Variants in DGLUCY observed in about 807,000 individuals in gnomAD.
DGLUCY encodes D-glutamate cyclase, also known as D-glutamate cyclase, mitochondrial.
DGLUCY carries 58 observed loss-of-function variants against 58.5 expected under a neutral mutation model. That is an observed-to-expected ratio of 0.99 (90% confidence interval 0.80 to 1.23). The LOEUF (loss-of-function observed/expected upper bound fraction) is 1.23, where lower values mean the gene tolerates loss of function less well. DGLUCY is among the 50% of genes most tolerant of loss of function. The probability of loss-of-function intolerance (pLI) is 0.00; values close to 1 mark genes in which losing one functional copy is unlikely to be tolerated. For missense variants in DGLUCY, 779 were observed against 784.7 expected, an observed-to-expected ratio of 0.99 and a Z score of 0.09; for synonymous variants, 325 against 314.1, an observed-to-expected ratio of 1.03 and a Z score of -0.37.
intron 1 of DGLUCY, among the ~76,000 whole-genome samples, chr14:91,157,071 A>G (rs1035723874): frequency 3.5e-5 from 5 of 144,014 alleles, no homozygotes; most frequent in African/African-American, 1.3e-4. Flanking sequence ...GGGTGGATGG[A>G]TGGATGGATG....
intron 1 of DGLUCY, among the ~76,000 whole-genome samples, chr14:91,087,672 C>T (rs149563367): frequency 3.9e-5 from 6 of 152,280 alleles, no homozygotes; most frequent in South Asian, 2.1e-4. Flanking sequence ...AAAAATTCTA[C>T]GTTGTTAGCC....
Position 91,215,457 on chromosome 14 carries a change from C to T in DGLUCY, c.1617C>T (p.Tyr539=), listed in dbSNP as rs767289887. 6.2e-7 allele frequency: 1 copy of T among 1,614,246 alleles called. No individual in the cohort carries two copies. Among genetic ancestry groups the T allele is most frequent in the Non-Finnish European group, 8.5e-7 (1 of 1,180,040 alleles). ...YALACALYIL[Y]SCAVHSQYLR... is the part of the protein sequence containing the mutation. The stretch of plus-strand genomic sequence containing the variant: ...TGGCCTGCGCACTCTACATCCTGTA[C>T]TCATGTGCTGTCCACAGTCAGTACC... Residue 539 remains tyrosine (Y), a synonymous_variant, in exon 13 of 14, where the codon TAC becomes TAT. Coordinates refer to ENST00000256324, the MANE Select transcript of DGLUCY (RefSeq NM_001102368.3).
At chr14:91,207,466 C>A (rs1390679979) in intron 12 of DGLUCY, among the ~76,000 whole-genome samples, 1 of 152,126 alleles carries the variant, frequency 6.6e-6, no homozygotes, top group East Asian at 1.9e-4. Flanking sequence ...GCATTTGAAG[C>A]AATAGCAAAT....
intron 1 of DGLUCY, among the ~76,000 whole-genome samples, chr14:91,156,006 A>T (rs1285624697): frequency 6.6e-6 from 1 of 152,092 alleles, no homozygotes; most frequent in Non-Finnish European, 1.5e-5. Flanking sequence ...GTCTATGTGG[A>T]TGTGAACAGA....
intron 9 of DGLUCY, among the ~76,000 whole-genome samples, chr14:91,196,152 C>T (rs879403334): frequency 1.1e-4 from 16 of 152,118 alleles, no homozygotes; most frequent in Admixed American, 9.2e-4. Context: ...TGTGTTAGCC[C>T]GATTCTGCCC....
At chr14:91,223,551 G>A in intron 13 of DGLUCY, 1 of 585,168 alleles carries the variant, frequency 1.7e-6, no homozygotes, top group Non-Finnish European at 2.6e-6. Flanking sequence ...CTGTCCTTAG[G>A]GGAACCTGAG....
Position 91,100,682 on chromosome 14 carries a change from C to T in DGLUCY, c.-82+39978C>T, listed in dbSNP as rs546662858. Among the ~76,000 whole-genome samples the T allele has an allele frequency of 7.2e-5, 11 of 152,326 alleles. 1 individual carries two copies. The South Asian group carries it at 1.0e-3, about 14-fold the overall frequency. ...TGGTCCCCAGACCAGCAGCACCAGC[C>T]TCCTGGGGAGCTGAGAAATGCTAAT... is the stretch of plus-strand genomic sequence containing the variant. On this transcript the variant is annotated intron_variant, in intron 1 of 4. Transcript: ENST00000521334.
chr14:91,096,744 G>A (rs958238857), intron 1 of DGLUCY, among the ~76,000 whole-genome samples: 5 of 152,090 alleles, frequency 3.3e-5, no homozygotes, highest in African/African-American at 1.2e-4. Context: ...TGTACATTCA[G>A]CCTGAGGCTG....
At chr14:91,105,870 A>G (rs1431032418), upstream of DGLUCY, among the ~76,000 whole-genome samples, 2 of 152,202 alleles carry the variant, frequency 1.3e-5, no homozygotes, top group African/African-American at 2.4e-5. Flanking sequence ...GCTATATGAT[A>G]TGGTCTATTA....
At chr14:91,118,988 A>T (rs763625855) in intron 1 of DGLUCY, among the ~76,000 whole-genome samples, 1 of 152,144 alleles carries the variant, frequency 6.6e-6, no homozygotes, top group Non-Finnish European at 1.5e-5. Flanking sequence ...TTTTTAAATT[A>T]TACTACTACT....
At chr14:91,142,564 A>G (rs2046761305) in intron 1 of DGLUCY, among the ~76,000 whole-genome samples, 1 of 152,110 alleles carries the variant, frequency 6.6e-6, no homozygotes. Flanking sequence ...CCTAAGCCCC[A>G]GAAAAGTGCA....
At chr14:91,074,116 T>TACACACACACACACACACACACACAC (rs1280375718) in intron 1 of DGLUCY, among the ~76,000 whole-genome samples, 5 of 77,490 alleles carry the variant, frequency 6.5e-5, no homozygotes, top group Admixed American at 3.4e-4. Context: ...TATATATATA[T>TACACACACACACACACACACACACAC]ATACACACAC....
At chr14:91,157,767 G>A (rs1337045885) in intron 2 of DGLUCY, 77 bp downstream of exon 2, 1 of 152,100 alleles carries the variant, frequency 6.6e-6, no homozygotes, top group Non-Finnish European at 1.5e-5. Flanking sequence ...CTCCCAGCAT[G>A]CATTTCACAG....
intron 1 of DGLUCY, among the ~76,000 whole-genome samples, chr14:91,087,799 G>A (rs1365057753): frequency 4.6e-5 from 7 of 152,168 alleles, no homozygotes; most frequent in South Asian, 2.1e-4. Context: ...GTGTACTCTC[G>A]TGACAAAACT....
At chr14:91,181,495 C>T in intron 8 of DGLUCY, 106 bp downstream of exon 8, 2 of 1,141,846 alleles carry the variant, frequency 1.8e-6, no homozygotes, top group Non-Finnish European at 2.5e-6. Flanking sequence ...CAAAATGTAT[C>T]CACAGGATGA....
chr14:91,176,105 A>G, intron 7 of DGLUCY, 49 bp downstream of exon 7: 1 of 1,591,626 alleles, frequency 6.3e-7, no homozygotes, highest in Non-Finnish European at 8.6e-7. Context: ...GATGGAGCCC[A>G]GTGGGGTCTA....
At chr14:91,188,814 G>T in intron 8 of DGLUCY, 96 bp from the exon 9 acceptor site, 5 of 1,377,158 alleles carry the variant, frequency 3.6e-6, no homozygotes, top group Non-Finnish European at 4.8e-6. Context: ...GGATGACAGA[G>T]CAAAACCCTA....
chr14:91,128,529 A>G (rs1334044202), intron 1 of DGLUCY, among the ~76,000 whole-genome samples: 2 of 151,980 alleles, frequency 1.3e-5, no homozygotes, highest in East Asian at 3.9e-4. Flanking sequence ...AAAATAAAAG[A>G]AAGATCCAGA....
intron 13 of DGLUCY, among the ~76,000 whole-genome samples, chr14:91,218,259 A>G (rs1886889775): frequency 6.6e-6 from 1 of 152,154 alleles, no homozygotes; most frequent in East Asian, 1.9e-4. Flanking sequence ...ATGATTCCTG[A>G]TTCACGCAGA....
Sources: gnomAD v4.1 joint callset for allele counts (sites outside exome capture counted in the v4.1 genomes callset) on GRCh38, gnomAD v4.1.1 for gene constraint, MANE v1.5 for transcripts, NCBI Gene and HGNC (gene_info 2026-07-23, HGNC 2026-07-21) for gene names.